NRG1: variants seen among roughly 807,000 people sequenced by gnomAD.
The protein encoded by NRG1 is neuregulin 1.
In NRG1, 18 loss-of-function variants were observed where a neutral mutation model predicts 63.8. The observed-to-expected ratio is 0.28, with a 90% CI of 0.19 to 0.42. The LOEUF (loss-of-function observed/expected upper bound fraction) is 0.42. Among genes scored for constraint, NRG1 ranks in the 10% least tolerant of loss-of-function variants. The probability of loss-of-function intolerance (pLI) is 1.00; values close to 1 mark genes in which losing one functional copy is unlikely to be tolerated. For missense variants in NRG1, 762 were observed against 814.7 expected, an observed-to-expected ratio of 0.94 and a Z score of 0.79; for synonymous variants, 302 against 301.3, an observed-to-expected ratio of 1.00 and a Z score of -0.02.
At chr8:32,326,170 C>T (rs1033480671) in intron 1 of NRG1, among the ~76,000 whole-genome samples, 4 of 151,998 alleles carry the variant, frequency 2.6e-5, no homozygotes, top group Admixed American at 1.3e-4. Flanking sequence ...CCACCATGCC[C>T]AGCTAATTTT....
intron 1 of NRG1, chr8:32,030,299 T>C (rs1442918373): frequency 6.6e-6 from 1 of 152,182 alleles, no homozygotes; most frequent in Admixed American, 6.5e-5. Context: ...ATCTGTGTAA[T>C]CATATGATGA....
At chr8:32,565,796 T>C (rs780715129) in intron 1 of NRG1, among the ~76,000 whole-genome samples, 1 of 152,212 alleles carries the variant, frequency 6.6e-6, no homozygotes, top group South Asian at 2.1e-4. Flanking sequence ...TGGTTCTCAC[T>C]CTCTATGCCT....
At chr8:32,763,988 C>T (rs751819065) in exon 12 of NRG1, 5 of 1,614,114 alleles carry the variant, frequency 3.1e-6, no homozygotes, top group Non-Finnish European at 4.2e-6. Context: ...CCTTCCACCA[C>T]AACCCCGCGC....
intron 1 of NRG1, among the ~76,000 whole-genome samples, chr8:31,724,842 C>T (rs1299969891): frequency 6.6e-6 from 1 of 152,048 alleles, no homozygotes; most frequent in Non-Finnish European, 1.5e-5. Flanking sequence ...TAAATTACAG[C>T]ATTCTAGGTC....
At chr8:32,620,971 A>G (rs1401622229) in intron 5 of NRG1, among the ~76,000 whole-genome samples, 1 of 152,186 alleles carries the variant, frequency 6.6e-6, no homozygotes, top group Non-Finnish European at 1.5e-5. Context: ...AATATATTTT[A>G]TAGGTCACTG....
intron 1 of NRG1, among the ~76,000 whole-genome samples, chr8:31,828,916 G>A (rs1048593536): frequency 2.0e-5 from 3 of 152,114 alleles, no homozygotes; most frequent in African/African-American, 7.2e-5. Context: ...AATGCCTATT[G>A]AGTGTCAGTC....
At chr8:31,718,676 A>G (rs185574391) in intron 1 of NRG1, among the ~76,000 whole-genome samples, 2 of 152,354 alleles carry the variant, frequency 1.3e-5, no homozygotes, top group East Asian at 3.9e-4. Flanking sequence ...CATTTCAACA[A>G]CAGAAGCCTT....
intron 1 of NRG1, among the ~76,000 whole-genome samples, chr8:32,592,106 T>G (rs1842636343): frequency 1.4e-5 from 1 of 71,566 alleles, no homozygotes; most frequent in Non-Finnish European, 2.8e-5. Flanking sequence ...AGGCTCCCGG[T>G]TTTTTTTTTT....
rs1429716392 is a variant in NRG1, at chr8:32,328,992, A to T, written c.38-266836A>T. ...ACATTATTATTATTATAATTTAGACAATGTCTCACTCTGTCACCCAGACTG... is the reference window on the plus strand; with the variant it reads ...ACATTATTATTATTATAATTTAGACTATGTCTCACTCTGTCACCCAGACTG... On this transcript the variant is annotated intron_variant, in intron 1 of 10. Coordinates refer to the NRG1 transcript ENST00000519301. Among the ~76,000 whole-genome samples, 6 of 151,118 alleles carry T rather than the reference A, an allele frequency of 4.0e-5. No individual in the cohort carries two copies. In the East Asian group the frequency reaches 1.2e-3, roughly 29 times the overall value.
exon 12 of NRG1, chr8:32,766,042 T>G (rs1399467266): frequency 1.3e-5 from 2 of 152,104 alleles, no homozygotes; most frequent in Non-Finnish European, 2.9e-5. Flanking sequence ...ATGGGACAAA[T>G]GGGAAACAGG....
intron 1 of NRG1, among the ~76,000 whole-genome samples, chr8:32,241,779 G>T (rs535666124): frequency 4.6e-5 from 7 of 151,354 alleles, no homozygotes; most frequent in Admixed American, 1.3e-4. Flanking sequence ...TTGAGACGGC[G>T]TCTTGCTCTG....
intron 1 of NRG1, among the ~76,000 whole-genome samples, chr8:32,378,047 G>A (rs1175928851): frequency 6.6e-6 from 1 of 152,178 alleles, no homozygotes; most frequent in East Asian, 1.9e-4. Flanking sequence ...GCAGATGAAA[G>A]GCTCTGTGCC....
At chr8:32,148,561 G>T (rs550724338) in intron 1 of NRG1, among the ~76,000 whole-genome samples, 1 of 152,226 alleles carries the variant, frequency 6.6e-6, no homozygotes, top group Non-Finnish European at 1.5e-5. Flanking sequence ...ACCACGCCCG[G>T]CTAATTTTTT....
chr8:32,308,309 G>A (rs535998718), intron 1 of NRG1, among the ~76,000 whole-genome samples: 1 of 151,986 alleles, frequency 6.6e-6, no homozygotes, highest in African/African-American at 2.4e-5. Flanking sequence ...CTTTATTAAG[G>A]CATCCATATG....
At chr8:31,750,121 A>G (rs1181921256) in intron 1 of NRG1, among the ~76,000 whole-genome samples, 8 of 151,842 alleles carry the variant, frequency 5.3e-5, no homozygotes, top group African/African-American at 1.9e-4. Flanking sequence ...TCCAAATATA[A>G]TTTCCCAGGA....
intron 1 of NRG1, among the ~76,000 whole-genome samples, chr8:32,069,071 G>A (rs1825343100): frequency 6.6e-6 from 1 of 152,182 alleles, no homozygotes. Flanking sequence ...AAGCAGAATG[G>A]CAGGAAGGGG....
At chr8:32,211,663 C>G (rs144522362) in intron 1 of NRG1, among the ~76,000 whole-genome samples, 2 of 152,110 alleles carry the variant, frequency 1.3e-5, no homozygotes, top group Non-Finnish European at 2.9e-5. Context: ...GAACATCTTT[C>G]CATATTTTTA....
chr8:32,105,138 T>C (rs949415137), intron 1 of NRG1, among the ~76,000 whole-genome samples: 1 of 152,182 alleles, frequency 6.6e-6, no homozygotes, highest in African/African-American at 2.4e-5. Flanking sequence ...ATGAGGGCTA[T>C]GATGTCACTA....
Position 32,569,905 on chromosome 8 carries a change from CTT to C in NRG1, c.100+21098_100+21099del, listed in dbSNP as rs1209336043. 5.8e-3 allele frequency among the ~76,000 whole-genome samples: 705 copies of C among 121,586 alleles called. 2 individuals carry two copies. The highest frequency in any genetic ancestry group is 9.8e-3 in the Non-Finnish European group (576 of 58,610). 79.8% of individuals were successfully genotyped at this position (121,586 alleles called of 152,430 possible). A position where few individuals can be genotyped will look rare whatever the true frequency, so the allele number is the denominator to read the frequency against. On this transcript the variant is annotated intron_variant, in intron 1 of 11. Coordinates refer to ENST00000356819, the Ensembl canonical transcript of NRG1. ...AGTTAATTCTTTTTCTGATAGTTAT[CTT>C]TTTTTTTTTTTTTTTTTTGAGATGG... is the stretch of plus-strand genomic sequence containing the variant.
Sources: allele counts gnomAD v4.1 joint callset (sites outside exome capture counted in the v4.1 genomes callset), GRCh38; gene constraint gnomAD v4.1.1; transcripts MANE v1.5; gene names NCBI Gene and HGNC (gene_info 2026-07-23, HGNC 2026-07-21).